The following PLEKHH2 variants were observed in gnomAD, a reference collection of about 807,000 sequenced individuals.
PLEKHH2 encodes the protein pleckstrin homology, MyTH4 and FERM domain containing H2.
A neutral mutation model predicts 187.9 loss-of-function variants in PLEKHH2; 129 were observed. The ratio of observed to expected loss-of-function variants is 0.69; its 90% CI spans 0.59 to 0.79. The LOEUF is 0.79. PLEKHH2 is among the 30% of genes least tolerant of loss of function. The probability of loss-of-function intolerance (pLI) is 0.00; values close to 1 mark genes in which losing one functional copy is unlikely to be tolerated. For synonymous variants in PLEKHH2, 686 were observed against 605.6 expected, an observed-to-expected ratio of 1.13 and a Z score of -1.95; for missense variants, 2,076 against 1,751.2, an observed-to-expected ratio of 1.19 and a Z score of -3.31.
At chr2:43,715,135 G>A (rs938546506) in intron 15 of PLEKHH2, among the ~76,000 whole-genome samples, 2 of 151,920 alleles carry the variant, frequency 1.3e-5, no homozygotes, top group African/African-American at 4.8e-5. Flanking sequence ...AATTAACCAG[G>A]CATGCTGGCG....
chr2:43,738,556 A>G (rs750371889), intron 20 of PLEKHH2, 36 bp downstream of exon 20: 5 of 1,524,592 alleles, frequency 3.3e-6, no homozygotes, highest in Admixed American at 3.8e-5. Flanking sequence ...CATGCAATTT[A>G]AAGTGTTTTT....
intron 14 of PLEKHH2, 194 bp downstream of exon 14, chr2:43,710,769 T>C: frequency 1.0e-5 from 14 of 1,355,088 alleles, no homozygotes; most frequent in Non-Finnish European, 1.3e-5. Context: ...TAGGTGTGTG[T>C]TGAGTAACTC....
intron 2 of PLEKHH2, among the ~76,000 whole-genome samples, chr2:43,654,714 C>CCA (rs1035966646): frequency 2.0e-5 from 3 of 146,562 alleles, no homozygotes; most frequent in Non-Finnish European, 3.0e-5. Flanking sequence ...ACCCCCCCCC[C>CCA]CCGCATCTCT....
chr2:43,700,243 C>G lies in PLEKHH2; in HGVS notation c.1285C>G (p.Gln429Glu). 1 of 1,614,186 alleles carries G rather than the reference C, an allele frequency of 6.2e-7. No homozygotes were observed. ...HPNSLSGKGT[Q>E]LVPSSHLPPP... The stretch of plus-strand genomic sequence containing the variant: ...TAACTCACTCTCTGGAAAAGGAACA[C>G]AATTAGTGCCTTCATCACACCTGCC... The change falls in exon 8 of 30, where the codon CAA becomes GAA. Residue 429 changes from glutamine to glutamate, a missense_variant. Gln to Glu is a conservative substitution (Grantham distance 29). Transcript: ENST00000282406.
At chr2:43,703,780 CAGAT>C (rs1669506721) in intron 8 of PLEKHH2, among the ~76,000 whole-genome samples, 197 bp from the exon 9 acceptor site, 1 of 152,102 alleles carries the variant, frequency 6.6e-6, no homozygotes, top group Non-Finnish European at 1.5e-5. Flanking sequence ...GAAAAACTAA[CAGAT>C]GGAGAAAAAT....
intron 16 of PLEKHH2, among the ~76,000 whole-genome samples, chr2:43,721,006 C>T (rs780499042): frequency 3.9e-5 from 6 of 152,152 alleles, no homozygotes; most frequent in African/African-American, 7.2e-5. Flanking sequence ...TTCTTCTATT[C>T]CCTCCCCACA....
At chr2:43,697,381 C>A in intron 7 of PLEKHH2, 25 bp downstream of exon 7, 1 of 1,548,902 alleles carries the variant, frequency 6.5e-7, no homozygotes, top group Non-Finnish European at 8.7e-7. Flanking sequence ...CAGGAATTGA[C>A]TTTGGCATTT....
chr2:43,694,176 T>C (rs577995942), intron 4 of PLEKHH2, among the ~76,000 whole-genome samples: 9 of 152,222 alleles, frequency 5.9e-5, no homozygotes, highest in African/African-American at 1.9e-4. Context: ...ATTCAGTGGA[T>C]TGACTTCAGT....
intron 15 of PLEKHH2, among the ~76,000 whole-genome samples, chr2:43,714,760 T>C (rs1670134001): frequency 6.6e-6 from 1 of 152,154 alleles, no homozygotes; most frequent in East Asian, 1.9e-4. Flanking sequence ...GATACTAAGA[T>C]GAATAGGCCA....
chr2:43,762,290 T>G lies in PLEKHH2; in HGVS notation c.4072-14T>G, dbSNP rs1195678678. ...TTAGTATTTATAATATAGTGTATTT[T>G]CACCTCTTCATAGCCCATAACTCCA... On this transcript the variant is annotated splice_polypyrimidine_tract_variant and intron_variant, in intron 27 of 29. Transcript: ENST00000282406. The G allele has an allele frequency of 6.3e-7, 1 of 1,584,282 alleles. No homozygotes were observed. Among genetic ancestry groups the G allele is most frequent in the Admixed American group, 1.7e-5 (1 of 59,910 alleles).
At chr2:43,758,204 G>A (rs1476267087) in intron 26 of PLEKHH2, among the ~76,000 whole-genome samples, 1 of 152,132 alleles carries the variant, frequency 6.6e-6, no homozygotes, top group African/African-American at 2.4e-5. Flanking sequence ...GCCAGGGGTG[G>A]GAGGACCTAA....
chr2:43,711,651 G>A, intron 14 of PLEKHH2: 1 of 826,914 alleles, frequency 1.2e-6, no homozygotes, highest in Non-Finnish European at 1.5e-6. Context: ...CAGCACTTCA[G>A]GAGGCTGAGG....
chr2:43,724,767 T>C (rs1670657339), intron 16 of PLEKHH2, among the ~76,000 whole-genome samples: 1 of 152,234 alleles, frequency 6.6e-6, no homozygotes, highest in Non-Finnish European at 1.5e-5. Context: ...CTTGTCCTTT[T>C]GATCCAATAA....
At chr2:43,746,093 A>G (rs1671768688) in intron 24 of PLEKHH2, 130 bp downstream of exon 24, 2 of 540,548 alleles carry the variant, frequency 3.7e-6, no homozygotes, top group Non-Finnish European at 3.0e-6. Context: ...TATAAATGAT[A>G]ACTCTGTTTC....
At position 43,710,042 on chromosome 2, in the gene PLEKHH2, T is replaced by C. The variant is rs768781136; in HGVS notation, c.2019T>C (p.Asp673=). The C allele has an allele frequency of 6.2e-7, 1 of 1,613,270 alleles. No individual in the cohort carries two copies. The highest frequency in any genetic ancestry group is 8.5e-7 in the Non-Finnish European group (1 of 1,179,294). ...ASESDYAIPP[D]AYSTDTEYSQ... ...AAAGTGATTATGCTATTCCTCCTGATGCTTACTCCACAGACACGGAGTACT... is the reference window on the plus strand; with the variant it reads ...AAAGTGATTATGCTATTCCTCCTGACGCTTACTCCACAGACACGGAGTACT... The change falls in exon 12 of 30, where the codon GAT becomes GAC. Residue 673 remains aspartate (D), a synonymous_variant. Transcript: ENST00000282406.
At chr2:43,748,667 C>G (rs1353360936) in intron 24 of PLEKHH2, among the ~76,000 whole-genome samples, 1 of 152,210 alleles carries the variant, frequency 6.6e-6, no homozygotes, top group Non-Finnish European at 1.5e-5. Flanking sequence ...GTCCTCATTG[C>G]TGCCCCTGCC....
intron 3 of PLEKHH2, among the ~76,000 whole-genome samples, chr2:43,691,000 T>G (rs1668765434): frequency 6.6e-6 from 1 of 152,252 alleles, no homozygotes; most frequent in Non-Finnish European, 1.5e-5. Context: ...AGATATGCCT[T>G]TCTGAGATTT....
chr2:43,697,420 T>A, intron 7 of PLEKHH2, 64 bp downstream of exon 7: 1 of 1,337,924 alleles, frequency 7.5e-7, no homozygotes, highest in African/African-American at 1.5e-5. Flanking sequence ...TTTGCTAAGA[T>A]TAATCCAAAT....
At chr2:43,659,323 G>A (rs534764614) in intron 2 of PLEKHH2, among the ~76,000 whole-genome samples, 2 of 151,152 alleles carry the variant, frequency 1.3e-5, no homozygotes, top group Non-Finnish European at 2.9e-5. Context: ...TTATTTTCTC[G>A]CCTGGTCGTT....
Sources: allele counts gnomAD v4.1 joint callset (sites outside exome capture counted in the v4.1 genomes callset), GRCh38; gene constraint gnomAD v4.1.1; transcripts MANE v1.5; gene names NCBI Gene and HGNC (gene_info 2026-07-23, HGNC 2026-07-21).